HOXB3: variants seen among roughly 807,000 people sequenced by gnomAD.
HOXB3 encodes homeobox protein Hox-B3.
HOXB3 carries 17 observed loss-of-function variants against 29.2 expected under a neutral mutation model. The ratio of observed to expected loss-of-function variants is 0.58; its 90% CI spans 0.40 to 0.87. The LOEUF is 0.87. Among genes scored for constraint, HOXB3 ranks in the 40% least tolerant of loss-of-function variants. The pLI is 0.00. For synonymous variants in HOXB3, 317 were observed against 285.9 expected (o/e 1.11, Z -1.10); for missense variants, 637 against 616.3 (o/e 1.03, Z -0.35).
chr17:48,555,581 G>A lies in HOXB3; in HGVS notation c.-209C>T. The A allele has an allele frequency of 2.8e-6, 2 of 702,560 alleles. No homozygotes were observed. 43.5% of individuals were successfully genotyped at this position (702,560 alleles called of 1,614,324 possible). ...GGCAGACATAATATATATTCACATC[G>A]AGCCCCAGAGCGAGCGGCAGGCGAC... On this transcript the variant is annotated 5_prime_UTR_variant, in exon 3 of 5. Transcript: ENST00000498678.
At chr17:48,585,380 G>C (rs2070026873) in intron 1 of HOXB3, among the ~76,000 whole-genome samples, 1 of 152,250 alleles carries the variant, frequency 6.6e-6, no homozygotes. Flanking sequence ...AGAGAGCTTG[G>C]AGCAGGGGCT....
intron 2 of HOXB3, chr17:48,557,045 C>CA (rs1353355530): frequency 6.6e-6 from 1 of 152,280 alleles, no homozygotes; most frequent in Non-Finnish European, 1.5e-5. Flanking sequence ...AGGAGGAAGA[C>CA]AGGAGCCAAA....
intron 3 of HOXB3, 188 bp downstream of exon 3, chr17:48,555,343 A>AGG: frequency 6.6e-6 from 3 of 455,212 alleles, no homozygotes; most frequent in African/African-American, 4.5e-5. Flanking sequence ...AGGGAGAGAG[A>AGG]GAGAGAGAGA....
intron 2 of HOXB3, among the ~76,000 whole-genome samples, chr17:48,569,402 GAC>G (rs1343844941): frequency 6.0e-5 from 9 of 149,900 alleles, no homozygotes; most frequent in Non-Finnish European, 1.0e-4. Context: ...AACCCCCATG[GAC>G]ACACACTTAC....
rs2068664266 is a variant in HOXB3, at chr17:48,550,277, G to C, written c.*57C>G. ...TTTCAGACCTCCAGGTTGCCCCCCA[G>C]AGCTCCACAGTCTCTCTCTTCCTCC... On this transcript the variant is annotated 3_prime_UTR_variant, in exon 5 of 5. Transcript: ENST00000498678. 2 of 1,608,258 alleles carry C rather than the reference G, an allele frequency of 1.2e-6. No individual in the cohort carries two copies. The highest frequency in any genetic ancestry group is 1.3e-5 in the African/African-American group (1 of 74,912).
In HOXB3 at chr17:48,590,150, G is replaced by T. The variant is rs1356817934; in HGVS notation, c.-450C>A. The T allele has an allele frequency of 2.0e-5, 3 of 152,248 alleles. 1 individual carries two copies. In the South Asian group the frequency reaches 6.2e-4, roughly 32 times the overall value. The allele number at this position is 152,248 out of a possible 1,614,324, so 9.4% of individuals were successfully genotyped here. On this transcript the variant is annotated 5_prime_UTR_variant, in exon 1 of 5. Transcript: ENST00000498678. The stretch of plus-strand genomic sequence containing the variant: ...TGCGGGAATGCTGGCCTGGGCCGCC[G>T]CTGCCTTCTGGGCTGGTCCGGCTGC...
At chr17:48,558,005 AACCAGT>A (rs2069054457) in intron 2 of HOXB3, among the ~76,000 whole-genome samples, 1 of 152,042 alleles carries the variant, frequency 6.6e-6, no homozygotes, top group Admixed American at 6.5e-5. Context: ...GGCTTAAAGA[AACCAGT>A]ACCTTTGGGG....
chr17:48,574,311 G>A (rs1049297919), intron 1 of HOXB3: 15 of 162,304 alleles, frequency 9.2e-5, no homozygotes, highest in Admixed American at 3.6e-4. Context: ...CAATCCGACC[G>A]AAATAAAGCT....
chr17:48,554,051 C>T lies in HOXB3; in HGVS notation c.-158-1419G>A, dbSNP rs1371954264. The T allele has an allele frequency of 3.2e-5, 5 of 155,132 alleles. No individual in the cohort carries two copies. The highest frequency in any genetic ancestry group is 1.2e-4 in the African/African-American group (5 of 41,464). 9.6% of individuals were successfully genotyped at this position (155,132 alleles called of 1,614,324 possible). ...AGGGAATCAGTGTAACCCTGAGTTC[C>T]GATTGGTTTCTGGAAATACACATGG... On this transcript the variant is annotated intron_variant, in intron 3 of 4. Coordinates refer to ENST00000498678, the MANE Select transcript of HOXB3 (RefSeq NM_001384749.1). This position sits in a 1 kb window ranked among gnomAD's most constrained non-coding sequence, Gnocchi z 4.1.
chr17:48,562,565 A>C (rs567186400), intron 2 of HOXB3, among the ~76,000 whole-genome samples: 56 of 152,330 alleles, frequency 3.7e-4, no homozygotes, highest in Non-Finnish European at 6.6e-4. Context: ...CCAACAATGC[A>C]GCGAGTTTGC....
chr17:48,551,244 G>T, intron 4 of HOXB3, 63 bp from the exon 5 acceptor site: 1 of 1,259,432 alleles, frequency 7.9e-7, no homozygotes, highest in Non-Finnish European at 1.0e-6. Context: ...TACTGAACAC[G>T]CCGAAATTGA....
intron 3 of HOXB3, 93 bp downstream of exon 3, chr17:48,555,438 T>G: frequency 1.4e-6 from 1 of 694,888 alleles, no homozygotes; most frequent in Non-Finnish European, 2.6e-6. Flanking sequence ...TGTGAACTCT[T>G]CTTGAACCGA....
In HOXB3 at chr17:48,550,245, C is replaced by A; in HGVS notation, c.*89G>T. On this transcript the variant is annotated 3_prime_UTR_variant, in exon 5 of 5. Transcript: ENST00000498678. ...GAAGCCTGGGTACCACCTTCTCTGG[C>A]TCCTCTTTTCAGACCTCCAGGTTGC... The A allele has an allele frequency of 1.9e-6, 3 of 1,555,252 alleles. No individual in the cohort carries two copies. The highest frequency in any genetic ancestry group is 2.6e-6 in the Non-Finnish European group (3 of 1,146,330).
At position 48,552,173 on chromosome 17, in the gene HOXB3, C is replaced by T. The variant is rs1370656808; in HGVS notation, c.302G>A (p.Ser101Asn). 5 of 1,613,994 alleles carry T rather than the reference C, an allele frequency of 3.1e-6. No homozygotes were observed. Among genetic ancestry groups the T allele is most frequent in the African/African-American group, 1.3e-5 (1 of 75,060 alleles). The change falls in exon 4 of 5, where the codon AGC (serine) becomes AAC (asparagine). Residue 101 changes from serine (S) to asparagine (N), a missense_variant. By Grantham distance (46) the Ser-to-Asn change is conservative (BLOSUM62 1). Transcript: ENST00000498678. ...PPSAAPTSAT[S>N]NSSNGGGPSK... ...GGGCCCGCCCCCATTACTGCTGTTGCTAGTGGCACTGGTAGGTGCGGCACT... is the reference window on the plus strand; with the variant it reads ...GGGCCCGCCCCCATTACTGCTGTTGTTAGTGGCACTGGTAGGTGCGGCACT...
At chr17:48,558,040 C>T (rs567552936) in intron 2 of HOXB3, among the ~76,000 whole-genome samples, 3 of 151,472 alleles carry the variant, frequency 2.0e-5, no homozygotes, top group South Asian at 2.1e-4. Flanking sequence ...TCTATCACTC[C>T]CCCAAATAAA....
intron 1 of HOXB3, chr17:48,576,417 A>C: frequency 2.7e-5 from 7 of 261,022 alleles, no homozygotes; most frequent in Non-Finnish European, 3.6e-5. Flanking sequence ...GCCTCCTCCT[A>C]TTTCTCTTTC....
intron 1 of HOXB3, chr17:48,579,887 G>A: frequency 1.9e-6 from 1 of 520,902 alleles, no homozygotes; most frequent in Non-Finnish European, 3.9e-6. Context: ...ACGAATTTGT[G>A]ACCACAAAAT....
At chr17:48,560,600 C>T (rs2069157920) in intron 2 of HOXB3, among the ~76,000 whole-genome samples, 1 of 152,238 alleles carries the variant, frequency 6.6e-6, no homozygotes, top group Non-Finnish European at 1.5e-5. Flanking sequence ...CCCTGCTAGC[C>T]TCTTCACATC....
chr17:48,562,028 C>T (rs1190622488), intron 2 of HOXB3, among the ~76,000 whole-genome samples: 1 of 152,176 alleles, frequency 6.6e-6, no homozygotes, highest in Non-Finnish European at 1.5e-5. Context: ...TAAATGCTTA[C>T]CACCACTGAG....
Sources: allele counts gnomAD v4.1 joint callset (sites outside exome capture counted in the v4.1 genomes callset), GRCh38; gene constraint gnomAD v4.1.1; non-coding constraint Gnocchi (gnomAD v3.1); transcripts MANE v1.5; gene names NCBI Gene and HGNC (gene_info 2026-07-23, HGNC 2026-07-21).